Variants in HECW1 observed in about 807,000 individuals in gnomAD.
HECW1 encodes HECT, C2 and WW domain containing E3 ubiquitin protein ligase 1.
A neutral mutation model predicts 182.3 loss-of-function variants in HECW1; 61 were observed. The observed-to-expected ratio is 0.33, with a 90% CI of 0.27 to 0.41. HECW1 has a LOEUF of 0.41. Ranked by LOEUF, HECW1 falls within the 10% of genes least tolerant of loss-of-function variation. The probability of loss-of-function intolerance (pLI) is 1.00; values close to 1 mark genes in which losing one functional copy is unlikely to be tolerated. For missense variants in HECW1, 1,739 were observed against 2,108.9 expected (o/e 0.82, Z 3.44); for synonymous variants, 859 against 832.6 (o/e 1.03, Z -0.55).
At chr7:43,308,339 TTA>T (rs1491286475) in intron 3 of HECW1, among the ~76,000 whole-genome samples, 21 of 135,834 alleles carry the variant, frequency 1.5e-4, no homozygotes, top group African/African-American at 5.2e-4. Flanking sequence ...TTTATATATA[TTA>T]TATGATATAT....
chr7:43,149,716 ATTAAAAG>A (rs1789092589), intron 2 of HECW1, among the ~76,000 whole-genome samples: 1 of 152,228 alleles, frequency 6.6e-6, no homozygotes, highest in South Asian at 2.1e-4. Flanking sequence ...TTATTCAAAA[ATTAAAAG>A]TTAAAATAAA....
intron 17 of HECW1, chr7:43,484,379 A>G (rs970320079): frequency 3.3e-5 from 5 of 152,236 alleles, no homozygotes; most frequent in Non-Finnish European, 7.3e-5. Flanking sequence ...TGACAGTTAA[A>G]CAGATGGAAA....
At chr7:43,469,844 C>A (rs928833004) in intron 16 of HECW1, among the ~76,000 whole-genome samples, 8 of 152,194 alleles carry the variant, frequency 5.3e-5, no homozygotes, top group Non-Finnish European at 8.8e-5. Context: ...GAACCAGAAG[C>A]TTTGCCTGCA....
intron 6 of HECW1, among the ~76,000 whole-genome samples, chr7:43,379,587 T>G (rs1175441289): frequency 6.6e-6 from 1 of 152,176 alleles, no homozygotes; most frequent in East Asian, 1.9e-4. Context: ...TGCCTGACAC[T>G]GCCTCATTCT....
chr7:43,522,214 C>T (rs1460972631), intron 24 of HECW1: 1 of 152,196 alleles, frequency 6.6e-6, no homozygotes, highest in Non-Finnish European at 1.5e-5. Context: ...ACATATTAGA[C>T]TTCTCTGATT....
chr7:43,364,730 G>T (rs1584639067), intron 6 of HECW1, among the ~76,000 whole-genome samples: 1 of 152,200 alleles, frequency 6.6e-6, no homozygotes, highest in East Asian at 1.9e-4. Flanking sequence ...AAGAATATAG[G>T]ACTTATTGTC....
chr7:43,279,587 C>A (rs1419442748), intron 3 of HECW1, among the ~76,000 whole-genome samples: 1 of 152,136 alleles, frequency 6.6e-6, no homozygotes, highest in Non-Finnish European at 1.5e-5. Flanking sequence ...CATACCTTTG[C>A]ACAGGCTATG....
chr7:43,362,310 C>T (rs369191249), intron 6 of HECW1, among the ~76,000 whole-genome samples: 5 of 152,146 alleles, frequency 3.3e-5, no homozygotes, highest in East Asian at 1.9e-4. Flanking sequence ...TAAGCAGGCC[C>T]GAGGCCCAAA....
chr7:43,223,885 C>T (rs2152704563), intron 2 of HECW1, among the ~76,000 whole-genome samples: 1 of 152,308 alleles, frequency 6.6e-6, no homozygotes. Flanking sequence ...ATCCCCAGGT[C>T]TCACTTCTTC....
In HECW1 at chr7:43,308,112, A is replaced by T. The variant is rs1424457361; in HGVS notation, c.28-3651A>T. On this transcript the variant is annotated intron_variant, in intron 3 of 29. Coordinates refer to ENST00000395891, the MANE Select transcript of HECW1 (RefSeq NM_015052.5). ...ATATTATATATGTTATATATAATAT[A>T]ACATATAATATATTTATATATAATA... Among the ~76,000 whole-genome samples the T allele has an allele frequency of 7.9e-4, 83 of 105,578 alleles. 1 individual carries two copies. The highest frequency in any genetic ancestry group is 3.2e-3 in the African/African-American group (79 of 24,450). 69.3% of individuals were successfully genotyped at this position (105,578 alleles called of 152,430 possible).
chr7:43,520,998 C>T (rs1469724365), intron 24 of HECW1, among the ~76,000 whole-genome samples: 1 of 152,204 alleles, frequency 6.6e-6, no homozygotes, highest in Non-Finnish European at 1.5e-5. Flanking sequence ...GCAGGTGCCA[C>T]ACAGCAAAAG....
chr7:43,351,681 T>C lies in HECW1; in HGVS notation c.461-9205T>C, dbSNP rs112835887. Among the ~76,000 whole-genome samples, 368 of 147,036 alleles carry C rather than the reference T, an allele frequency of 2.5e-3. 2 individuals are homozygous for C. Among genetic ancestry groups the C allele is most frequent in the African/African-American group, 8.4e-3 (333 of 39,422 alleles). ...TCAGCTGTTTTTTTTCTTTCTTCTT[T>C]TTTTTTTTTTTTTTTTACATTGCCT... is the stretch of plus-strand genomic sequence containing the variant. On this transcript the variant is annotated intron_variant, in intron 5 of 29. Coordinates refer to ENST00000395891, the MANE Select transcript of HECW1 (RefSeq NM_015052.5).
chr7:43,237,136 AGGAAGTAGGTAG>A (rs1420087502), intron 2 of HECW1, among the ~76,000 whole-genome samples: 9 of 146,542 alleles, frequency 6.1e-5, no homozygotes, highest in Non-Finnish European at 1.2e-4. Flanking sequence ...GAAGGAAGGA[AGGAAGTAGGTAG>A]GTAGGTAGGT....
intron 19 of HECW1, 86 bp downstream of exon 19, chr7:43,493,266 G>A: frequency 1.2e-6 from 1 of 814,776 alleles, no homozygotes; most frequent in Non-Finnish European, 2.0e-6. Context: ...AGACAGAGCG[G>A]AAGCTTATTA....
rs2082217358 is a variant in HECW1 at position 43,561,839 on chromosome 7, G to A, written c.4734G>A (p.Leu1578=). The part of the protein sequence containing the change: ...LPRAHTCFNR[L]DLPPYPSYSM... ...GGGCACACACATGCTTCAACCGACT[G>A]GATCTTCCACCGTATCCCTCGTACT... The change falls in exon 30 of 30, where the codon CTG becomes CTA. Residue 1578 remains leucine (L), a synonymous_variant. Transcript: ENST00000395891. The A allele has an allele frequency of 6.2e-7, 1 of 1,613,690 alleles. No individual in the cohort carries two copies. Among genetic ancestry groups the A allele is most frequent in the African/African-American group, 1.3e-5 (1 of 74,986 alleles).
intron 5 of HECW1, among the ~76,000 whole-genome samples, chr7:43,321,941 C>T (rs761763946): frequency 9.2e-5 from 14 of 152,206 alleles, no homozygotes; most frequent in Non-Finnish European, 1.8e-4. Flanking sequence ...CTTGTGTTGG[C>T]TCATGCAGAA....
At chr7:43,408,824 G>A (rs1020435842) in intron 8 of HECW1, among the ~76,000 whole-genome samples, 6 of 152,176 alleles carry the variant, frequency 3.9e-5, no homozygotes, top group Non-Finnish European at 7.4e-5. Flanking sequence ...GGGGTATAAT[G>A]TAGGTTAAAA....
chr7:43,184,179 A>G (rs1344530970), intron 2 of HECW1, among the ~76,000 whole-genome samples: 9 of 152,040 alleles, frequency 5.9e-5, no homozygotes, highest in Non-Finnish European at 1.3e-4. Context: ...ATGCCTGGCT[A>G]ATTTTTTGTA....
chr7:43,232,110 G>A, intron 2 of HECW1, among the ~76,000 whole-genome samples: 1 of 151,800 alleles, frequency 6.6e-6, no homozygotes, highest in East Asian at 1.9e-4. Flanking sequence ...TAAGGAAAGA[G>A]CTTGGAATTT....
Sources: gnomAD v4.1 joint callset for allele counts (sites outside exome capture counted in the v4.1 genomes callset) on GRCh38, gnomAD v4.1.1 for gene constraint, MANE v1.5 for transcripts, NCBI Gene and HGNC (gene_info 2026-07-23, HGNC 2026-07-21) for gene names.